The following AK8 variants were observed in gnomAD, a reference collection of about 807,000 sequenced individuals.
The protein encoded by AK8 is adenylate kinase 8.
Under a neutral mutation model 54.6 loss-of-function variants are expected in AK8, and 44 were observed. The ratio of observed to expected loss-of-function variants is 0.81; its 90% CI spans 0.63 to 1.04. The LOEUF (loss-of-function observed/expected upper bound fraction) is 1.04, where lower values mean the gene tolerates loss of function less well. Among genes scored for constraint, AK8 ranks in the 50% least tolerant of loss-of-function variants. AK8 has a pLI of 0.00. For missense variants in AK8, 555 were observed against 613.6 expected (o/e 0.90, Z 1.01); for synonymous variants, 239 against 245.6 (o/e 0.97, Z 0.25).
intron 1 of AK8, 176 bp from the exon 2 acceptor site, chr9:132,875,375 A>AC: frequency 1.0e-6 from 1 of 955,580 alleles, no homozygotes; most frequent in Non-Finnish European, 1.2e-6. Flanking sequence ...CAGAGGCATG[A>AC]GGGGGGCCAC....
chr9:132,853,382 AG>A (rs1293322757), intron 5 of AK8, among the ~76,000 whole-genome samples: 1 of 151,612 alleles, frequency 6.6e-6, no homozygotes, highest in East Asian at 1.9e-4. Context: ...AGAAAAGAAA[AG>A]GAAAAAAGAA....
intron 5 of AK8, among the ~76,000 whole-genome samples, chr9:132,847,569 G>C (rs1317060305): frequency 2.0e-5 from 3 of 152,326 alleles, no homozygotes; most frequent in South Asian, 4.1e-4. Flanking sequence ...CCCCTGCTGA[G>C]GGGGTCCAGT....
rs1838929187 is a variant in AK8 at position 132,770,660 on chromosome 9, GC to G, written c.1121+21973del. On this transcript the variant is annotated intron_variant, in intron 11 of 12. Coordinates refer to ENST00000298545, the MANE Select transcript of AK8 (RefSeq NM_152572.3). The surrounding 1 kb of genome is among the most constrained non-coding windows in gnomAD (Gnocchi z 4.3). ...GGCAGCGCGGTGGGCAGCGGGCTGGGCCGAGATCGAGACCGGGACAAGGCAG... is the reference window on the plus strand; with the variant it reads ...GGCAGCGCGGTGGGCAGCGGGCTGGGCGAGATCGAGACCGGGACAAGGCAG... Among the ~76,000 whole-genome samples, 1 of 152,170 alleles carries G rather than the reference GC, an allele frequency of 6.6e-6. No individual in the cohort carries two copies. Among genetic ancestry groups the G allele is most frequent in the Admixed American group, 6.5e-5 (1 of 15,288 alleles).
intron 11 of AK8, among the ~76,000 whole-genome samples, chr9:132,752,275 G>A (rs141075227): frequency 0.012 from 1,701 of 140,746 alleles, 33 homozygotes; most frequent in African/African-American, 0.043. Flanking sequence ...TTTTTGAGAC[G>A]GAGTCTCGCT....
intron 10 of AK8, among the ~76,000 whole-genome samples, chr9:132,801,757 A>G (rs2131203779): frequency 6.6e-6 from 1 of 152,254 alleles, no homozygotes; most frequent in East Asian, 1.9e-4. Flanking sequence ...CCCTGTTCTA[A>G]GCATGTCTTT....
intron 11 of AK8, among the ~76,000 whole-genome samples, chr9:132,772,030 T>C (rs1001846321): frequency 1.3e-5 from 2 of 152,116 alleles, no homozygotes; most frequent in Non-Finnish European, 2.9e-5. Flanking sequence ...TTATTCACTA[T>C]CACAACAACA....
At chr9:132,858,279 C>A (rs547845348) in intron 4 of AK8, among the ~76,000 whole-genome samples, 13 of 152,368 alleles carry the variant, frequency 8.5e-5, no homozygotes, top group African/African-American at 2.6e-4. Context: ...ATCTCCTAGC[C>A]CTCCAAGGTG....
chr9:132,862,329 CT>C lies in AK8; in HGVS notation c.333+1335del, dbSNP rs78166067. 8.1e-3 allele frequency among the ~76,000 whole-genome samples: 1,174 copies of C among 144,304 alleles called. 14 individuals are homozygous for C. Among genetic ancestry groups the C allele is most frequent in the African/African-American group, 0.023 (895 of 39,656 alleles). 94.7% of individuals were successfully genotyped at this position (144,304 alleles called of 152,430 possible). A position where few individuals can be genotyped will look rare whatever the true frequency, so the allele number is the denominator to read the frequency against. Reference sequence around the variant, plus strand: ...GTCGAAGTCACACCCCTTTCTCTCTCTTTTTTTTTTTTTGTTAACACAGAGT... The same window carrying C: ...GTCGAAGTCACACCCCTTTCTCTCTCTTTTTTTTTTTTGTTAACACAGAGT... On this transcript the variant is annotated intron_variant, in intron 4 of 12. Transcript: ENST00000298545.
intron 11 of AK8, among the ~76,000 whole-genome samples, chr9:132,728,961 G>A (rs1037808819): frequency 3.0e-4 from 46 of 151,352 alleles, no homozygotes; most frequent in Non-Finnish European, 4.6e-4. Flanking sequence ...CTGGAGTGCA[G>A]TGGAGTGACC....
At chr9:132,735,629 T>C (rs1237773301) in intron 11 of AK8, among the ~76,000 whole-genome samples, 2 of 151,966 alleles carry the variant, frequency 1.3e-5, no homozygotes, top group Admixed American at 1.3e-4. Context: ...CTGCTGGAAA[T>C]ATAGCATGGT....
intron 10 of AK8, among the ~76,000 whole-genome samples, chr9:132,805,854 G>A (rs1173723506): frequency 1.3e-5 from 2 of 151,872 alleles, no homozygotes; most frequent in East Asian, 1.9e-4. Context: ...CAGTCCCAGC[G>A]GAAAAGTCAA....
At chr9:132,842,325 G>GTTCA (rs367839334) in intron 5 of AK8, among the ~76,000 whole-genome samples, 5,957 of 152,098 alleles carry the variant, frequency 0.039, 318 homozygotes, top group African/African-American at 0.13. Flanking sequence ...TTATTGACTG[G>GTTCA]TTCATTCATT....
chr9:132,746,111 G>C (rs545048938), intron 11 of AK8, among the ~76,000 whole-genome samples: 1 of 152,252 alleles, frequency 6.6e-6, no homozygotes, highest in African/African-American at 2.4e-5. Flanking sequence ...GGGGAGCAGG[G>C]TGAGACCATC....
At chr9:132,748,486 G>T (rs1837758191) in intron 11 of AK8, among the ~76,000 whole-genome samples, 1 of 151,922 alleles carries the variant, frequency 6.6e-6, no homozygotes, top group South Asian at 2.1e-4. Context: ...AGTGTGAATA[G>T]CTCAGTGCAA....
chr9:132,824,900 G>A (rs1382942669), intron 8 of AK8, among the ~76,000 whole-genome samples: 4 of 151,998 alleles, frequency 2.6e-5, no homozygotes, highest in Non-Finnish European at 5.9e-5. Context: ...CTTTTCTTTG[G>A]CCCAACAATC....
chr9:132,764,012 A>T (rs1240009891), intron 11 of AK8, among the ~76,000 whole-genome samples: 3 of 152,270 alleles, frequency 2.0e-5, no homozygotes. Flanking sequence ...AATAAAGATC[A>T]GAGCAGGCTA....
In AK8 at chr9:132,803,270, A is replaced by C. The variant is rs1352481084; in HGVS notation, c.980-10495T>G. Among the ~76,000 whole-genome samples, 2 of 152,160 alleles carry C rather than the reference A, an allele frequency of 1.3e-5. No homozygotes were observed. Among genetic ancestry groups the C allele is most frequent in the African/African-American group, 4.8e-5 (2 of 41,440 alleles). The stretch of plus-strand genomic sequence containing the variant: ...ATGAGATTTGGGTGGGGACACAGCC[A>C]AACCATATCACGGAGCATCAGAGTA... On this transcript the variant is annotated intron_variant, in intron 10 of 12. Coordinates refer to ENST00000298545, the MANE Select transcript of AK8 (RefSeq NM_152572.3). The surrounding 1 kb of genome is among the most constrained non-coding windows in gnomAD (Gnocchi z 4.4).
intron 2 of AK8, among the ~76,000 whole-genome samples, chr9:132,868,182 C>G (rs75107504): frequency 0.018 from 2,811 of 152,320 alleles, 100 homozygotes; most frequent in African/African-American, 0.064. Flanking sequence ...GGAATCTCAT[C>G]TCAGCAGAGG....
intron 10 of AK8, among the ~76,000 whole-genome samples, chr9:132,794,372 C>A (rs1840065244): frequency 6.6e-6 from 1 of 152,150 alleles, no homozygotes; most frequent in Non-Finnish European, 1.5e-5. Flanking sequence ...CCAGCTTGCA[C>A]CTCCCTTCGA....
Sources: allele counts gnomAD v4.1 joint callset (sites outside exome capture counted in the v4.1 genomes callset), GRCh38; gene constraint gnomAD v4.1.1; non-coding constraint Gnocchi (gnomAD v3.1); transcripts MANE v1.5; gene names NCBI Gene and HGNC (gene_info 2026-07-23, HGNC 2026-07-21).